The following FNBP1L variants were observed in gnomAD, a reference collection of about 807,000 sequenced individuals.
FNBP1L encodes the protein formin-binding protein 1-like.
FNBP1L carries 36 observed loss-of-function variants against 91.2 expected under a neutral mutation model. The ratio of observed to expected loss-of-function variants is 0.39; its 90% confidence interval spans 0.30 to 0.52. FNBP1L has a LOEUF of 0.52. Among genes scored for constraint, FNBP1L ranks in the 20% least tolerant of loss-of-function variants. The pLI, the probability that FNBP1L is intolerant of heterozygous loss-of-function variation, is 0.66. For synonymous variants in FNBP1L, 242 were observed against 237.0 expected, an observed-to-expected ratio of 1.02 and a Z score of -0.19; for missense variants, 571 against 732.1, an observed-to-expected ratio of 0.78 and a Z score of 2.54.
intron 16 of FNBP1L, 98 bp from the exon 17 acceptor site, chr1:93,552,311 T>C: frequency 6.0e-6 from 9 of 1,505,858 alleles, no homozygotes; most frequent in Non-Finnish European, 8.0e-6. Context: ...TATAAAATGA[T>C]AGAGACATTT....
intron 1 of FNBP1L, among the ~76,000 whole-genome samples, chr1:93,476,211 T>C (rs1006329033): frequency 2.6e-5 from 4 of 152,226 alleles, no homozygotes; most frequent in African/African-American, 9.6e-5. Context: ...TCAATTAAAG[T>C]ATTTATTCAG....
chr1:93,453,327 C>A (rs537194807), intron 1 of FNBP1L, among the ~76,000 whole-genome samples: 48 of 152,260 alleles, frequency 3.2e-4, no homozygotes, highest in Middle Eastern at 3.4e-3. Flanking sequence ...AAGTTGGAAG[C>A]TAGAGAGCTG....
intron 1 of FNBP1L, among the ~76,000 whole-genome samples, chr1:93,482,005 CA>C (rs1669721796): frequency 6.6e-6 from 1 of 151,762 alleles, no homozygotes; most frequent in Admixed American, 6.6e-5. Context: ...ACTAAAAATG[CA>C]AAAAATAGCC....
intron 1 of FNBP1L, among the ~76,000 whole-genome samples, chr1:93,484,716 CAT>C (rs1240656037): frequency 6.6e-6 from 1 of 152,122 alleles, no homozygotes; most frequent in Admixed American, 6.6e-5. Context: ...AACAGTATAA[CAT>C]AAAGAAAACT....
At chr1:93,511,152 G>A (rs1670824342) in intron 2 of FNBP1L, among the ~76,000 whole-genome samples, 1 of 152,176 alleles carries the variant, frequency 6.6e-6, no homozygotes, top group Non-Finnish European at 1.5e-5. Context: ...ACATATAATT[G>A]TCAGATTCAC....
At chr1:93,452,396 G>C (rs373522115) in intron 1 of FNBP1L, among the ~76,000 whole-genome samples, 10 of 152,170 alleles carry the variant, frequency 6.6e-5, no homozygotes, top group African/African-American at 2.2e-4. Context: ...TTACTACTTG[G>C]GTTAAACATT....
intron 7 of FNBP1L, among the ~76,000 whole-genome samples, chr1:93,532,422 G>T (rs969939918): frequency 1.4e-5 from 2 of 144,626 alleles, no homozygotes; most frequent in East Asian, 4.2e-4. Flanking sequence ...AGCCGAGATC[G>T]CGCAACTGCA....
intron 1 of FNBP1L, among the ~76,000 whole-genome samples, chr1:93,472,552 C>T (rs1393549109): frequency 6.6e-6 from 1 of 151,550 alleles, no homozygotes. Context: ...GTGGCTTATG[C>T]CTGTAATCCC....
intron 1 of FNBP1L, among the ~76,000 whole-genome samples, chr1:93,471,494 C>G (rs1669284871): frequency 6.6e-6 from 1 of 152,138 alleles, no homozygotes. Flanking sequence ...GAGTTCAAGA[C>G]TAGCCTAGGC....
At chr1:93,459,285 A>C (rs1385619179) in intron 1 of FNBP1L, among the ~76,000 whole-genome samples, 1 of 152,228 alleles carries the variant, frequency 6.6e-6, no homozygotes, top group Non-Finnish European at 1.5e-5. Flanking sequence ...AACAGAATGT[A>C]TCCTCTGTGG....
At chr1:93,506,700 G>A (rs1331688257) in intron 2 of FNBP1L, among the ~76,000 whole-genome samples, 1 of 152,132 alleles carries the variant, frequency 6.6e-6, no homozygotes, top group Non-Finnish European at 1.5e-5. Context: ...GTGATTCTCA[G>A]TCTTTTAAGA....
At chr1:93,505,292 T>C (rs1278998347) in intron 2 of FNBP1L, among the ~76,000 whole-genome samples, 1 of 152,132 alleles carries the variant, frequency 6.6e-6, no homozygotes, top group African/African-American at 2.4e-5. Context: ...CCATTTTTAC[T>C]TCCTGCAGAA....
At chr1:93,455,188 A>G (rs1283345758) in intron 1 of FNBP1L, among the ~76,000 whole-genome samples, 1 of 152,148 alleles carries the variant, frequency 6.6e-6, no homozygotes, top group Non-Finnish European at 1.5e-5. Context: ...TCGGCCTCCC[A>G]GAGTGCTGGG....
In FNBP1L at chr1:93,474,702, A is replaced by G. The variant is rs541671824; in HGVS notation, c.25-24766A>G. Among the ~76,000 whole-genome samples, 77 of 152,332 alleles carry G rather than the reference A, an allele frequency of 5.1e-4. 1 individual carries two copies. In the Middle Eastern group the frequency reaches 0.014, roughly 27 times the overall value. On this transcript the variant is annotated intron_variant, in intron 1 of 16. Transcript: ENST00000271234. The stretch of plus-strand genomic sequence containing the variant: ...CATTTCTTAGAGTTAGAGAGAGGCC[A>G]TAATGCTGGGGCTTAGAGGTTCAGG...
In FNBP1L at chr1:93,464,866, A is replaced by T. The variant is rs996839104; in HGVS notation, c.24+16561A>T. On this transcript the variant is annotated intron_variant, in intron 1 of 16. Coordinates refer to ENST00000271234, the MANE Select transcript of FNBP1L (RefSeq NM_001164473.3). ...CAGGAACCATTGAGGCTTGAGTATA[A>T]CATGTGTTCCTCCAGAAATGATTTC... 1.3e-5 allele frequency among the ~76,000 whole-genome samples: 2 copies of T among 152,168 alleles called. 1 individual carries two copies. Among genetic ancestry groups the T allele is most frequent in the South Asian group, 4.1e-4 (2 of 4,830 alleles).
At chr1:93,464,907 G>T (rs1258158788) in intron 1 of FNBP1L, among the ~76,000 whole-genome samples, 1 of 152,010 alleles carries the variant, frequency 6.6e-6, no homozygotes, top group African/African-American at 2.4e-5. Context: ...CTTCTGTCAG[G>T]TACCTTGGGG....
chr1:93,552,818 T>C lies in FNBP1L; in HGVS notation c.*402T>C, dbSNP rs1672458316. On this transcript the variant is annotated 3_prime_UTR_variant, in exon 17 of 17. Transcript: ENST00000271234. ...CCCACTATCTGTCAGATCCTTGCCA[T>C]CTGTCAGTGTCTGCCTGCGCCACCT... 1 of 166,854 alleles carries C rather than the reference T, an allele frequency of 6.0e-6. No homozygotes were observed. Among genetic ancestry groups the C allele is most frequent in the Non-Finnish European group, 1.3e-5 (1 of 78,094 alleles). The allele number at this position is 166,854 out of a possible 1,614,324, so 10.3% of individuals were successfully genotyped here. A position where few individuals can be genotyped will look rare whatever the true frequency, so the allele number is the denominator to read the frequency against.
At chr1:93,529,897 C>T in intron 6 of FNBP1L, 141 bp downstream of exon 6, 1 of 565,706 alleles carries the variant, frequency 1.8e-6, no homozygotes, top group East Asian at 3.5e-5. Flanking sequence ...AAATATTTGC[C>T]AACTTTAAAT....
chr1:93,482,135 C>T (rs960840077), intron 1 of FNBP1L, among the ~76,000 whole-genome samples: 3 of 152,034 alleles, frequency 2.0e-5, no homozygotes, highest in African/African-American at 7.2e-5. Context: ...GCACTCCAGC[C>T]TGGGCAACAC....
Sources: allele counts gnomAD v4.1 joint callset (sites outside exome capture counted in the v4.1 genomes callset), GRCh38; gene constraint gnomAD v4.1.1; transcripts MANE v1.5; gene names NCBI Gene and HGNC (gene_info 2026-07-23, HGNC 2026-07-21).